The following RABEP1 variants were observed in gnomAD, a reference collection of about 807,000 sequenced individuals.
RABEP1 encodes rabaptin, RAB GTPase binding effector protein 1, also known as rab GTPase-binding effector protein 1.
RABEP1 carries 51 observed loss-of-function variants against 123.4 expected under a neutral mutation model. That is an observed-to-expected ratio of 0.41 (90% CI 0.33 to 0.52). The LOEUF is 0.52. RABEP1 is among the 20% of genes least tolerant of loss of function. The pLI is 0.16. For missense variants in RABEP1, 888 were observed against 996.3 expected, an observed-to-expected ratio of 0.89 and a Z score of 1.46; for synonymous variants, 347 against 355.2, an observed-to-expected ratio of 0.98 and a Z score of 0.26.
At chr17:5,306,043 G>T (rs1189751010) in intron 1 of RABEP1, among the ~76,000 whole-genome samples, 6 of 152,152 alleles carry the variant, frequency 3.9e-5, no homozygotes, top group African/African-American at 1.4e-4. Context: ...TCATGGGAAT[G>T]AACACATAGC....
chr17:5,374,947 T>C (rs1910866325), intron 13 of RABEP1, among the ~76,000 whole-genome samples: 1 of 152,104 alleles, frequency 6.6e-6, no homozygotes, highest in African/African-American at 2.4e-5. Flanking sequence ...TGGCCTTTTT[T>C]TGTATTTTTA....
At chr17:5,318,423 A>G (rs1280742932) in intron 2 of RABEP1, among the ~76,000 whole-genome samples, 3 of 152,206 alleles carry the variant, frequency 2.0e-5, no homozygotes, top group African/African-American at 7.2e-5. Flanking sequence ...AAGCCAATGT[A>G]AGTAAAAAAA....
intron 13 of RABEP1, among the ~76,000 whole-genome samples, chr17:5,376,593 A>G (rs1416726352): frequency 6.6e-6 from 1 of 152,236 alleles, no homozygotes; most frequent in Non-Finnish European, 1.5e-5. Flanking sequence ...TTACCACCTT[A>G]GAAAGCCACC....
intron 2 of RABEP1, among the ~76,000 whole-genome samples, chr17:5,324,653 T>C (rs1905791376): frequency 6.6e-6 from 1 of 152,186 alleles, no homozygotes; most frequent in African/African-American, 2.4e-5. Flanking sequence ...GAGAAAATAT[T>C]TGCAAACTAC....
intron 2 of RABEP1, among the ~76,000 whole-genome samples, chr17:5,323,792 A>AGGAATATATATATATATT (rs1567522148): frequency 2.8e-5 from 3 of 108,700 alleles, no homozygotes; most frequent in African/African-American, 1.1e-4. Flanking sequence ...ATATATATAT[A>AGGAATATATATATATATT]TCTAGGAATA....
At position 5,346,776 on chromosome 17, in the gene RABEP1, G is replaced by A; in HGVS notation, c.649-14G>A. The A allele has an allele frequency of 6.6e-7, 1 of 1,506,832 alleles. No individual in the cohort carries two copies. The highest frequency in any genetic ancestry group is 8.9e-7 in the Non-Finnish European group (1 of 1,120,466). The allele number at this position is 1,506,832 out of a possible 1,614,324, so 93.3% of individuals were successfully genotyped here. A position where few individuals can be genotyped will look rare whatever the true frequency, so the allele number is the denominator to read the frequency against. On this transcript the variant is annotated splice_polypyrimidine_tract_variant and intron_variant, in intron 5 of 17. Transcript: ENST00000537505. ...TTGTAAATTTCAGTTTAATGGAATT[G>A]CATCTTCTTTCAGGTTAAAGAACTG... is the stretch of plus-strand genomic sequence containing the variant.
intron 2 of RABEP1, among the ~76,000 whole-genome samples, chr17:5,323,670 C>A: frequency 7.7e-6 from 1 of 129,690 alleles, no homozygotes; most frequent in African/African-American, 3.2e-5. Context: ...CAATTTCTTT[C>A]ATTGGTGATA....
intron 2 of RABEP1, among the ~76,000 whole-genome samples, chr17:5,319,313 A>T (rs1301488585): frequency 7.2e-6 from 1 of 138,344 alleles, no homozygotes; most frequent in African/African-American, 2.6e-5. Flanking sequence ...TGGTGACAGA[A>T]TGAGACTCTG....
At chr17:5,287,317 C>G (rs2074988087) in intron 1 of RABEP1, among the ~76,000 whole-genome samples, 1 of 151,938 alleles carries the variant, frequency 6.6e-6, no homozygotes. Flanking sequence ...TTGTGCCTGA[C>G]AAACAGTATA....
At chr17:5,282,542 G>A in intron 1 of RABEP1, 22 bp downstream of exon 1, 1 of 1,178,688 alleles carries the variant, frequency 8.5e-7, no homozygotes, top group Non-Finnish European at 1.1e-6. Context: ...ACCATGGCAG[G>A]CGCGGCGGGC....
chr17:5,364,128 AT>A (rs1194378769), intron 10 of RABEP1, among the ~76,000 whole-genome samples: 6 of 152,202 alleles, frequency 3.9e-5, no homozygotes, highest in Non-Finnish European at 7.3e-5. Flanking sequence ...AAATTTCTAA[AT>A]GTATTTGCAA....
At chr17:5,377,328 T>C in intron 14 of RABEP1, 23 bp downstream of exon 14, 1 of 1,550,408 alleles carries the variant, frequency 6.4e-7, no homozygotes, top group Non-Finnish European at 8.7e-7. Context: ...GTGATGTAGT[T>C]TAGAATTAGA....
intron 4 of RABEP1, among the ~76,000 whole-genome samples, chr17:5,337,624 T>C (rs1340828148): frequency 6.6e-6 from 1 of 151,588 alleles, no homozygotes; most frequent in Admixed American, 6.6e-5. Context: ...ACCTGGGAGG[T>C]GGAGCTTGCA....
In RABEP1 at chr17:5,374,974, G is replaced by A. The variant is rs541501525; in HGVS notation, c.2025+1520G>A. Reference sequence around the variant, plus strand: ...GTATTTTTAGTAGAGATGCGGTTTCGCCATGTTGGCCAGGCTGGTCTCGAA... The same window carrying A: ...GTATTTTTAGTAGAGATGCGGTTTCACCATGTTGGCCAGGCTGGTCTCGAA... On this transcript the variant is annotated intron_variant, in intron 13 of 17. Transcript: ENST00000537505. Among the ~76,000 whole-genome samples, 18 of 151,754 alleles carry A rather than the reference G, an allele frequency of 1.2e-4. No individual in the cohort carries two copies. In the South Asian group the frequency reaches 3.3e-3, roughly 28 times the overall value.
At chr17:5,288,920 G>A (rs2075005199) in intron 1 of RABEP1, among the ~76,000 whole-genome samples, 1 of 151,780 alleles carries the variant, frequency 6.6e-6, no homozygotes, top group Non-Finnish European at 1.5e-5. Context: ...TGGCCGGGCT[G>A]GTCTTGATCT....
At chr17:5,335,469 C>G in intron 4 of RABEP1, 125 bp downstream of exon 4, 1 of 804,874 alleles carries the variant, frequency 1.2e-6, no homozygotes. Context: ...TATTTGGACA[C>G]AGACCTAAAC....
intron 2 of RABEP1, among the ~76,000 whole-genome samples, chr17:5,315,925 CAAAAG>C (rs937417517): frequency 1.3e-5 from 2 of 151,998 alleles, no homozygotes; most frequent in Non-Finnish European, 2.9e-5. Context: ...CATCAAGAAT[CAAAAG>C]AAAATGTGAA....
At chr17:5,378,925 C>T (rs369070492) in intron 15 of RABEP1, among the ~76,000 whole-genome samples, 1 of 152,180 alleles carries the variant, frequency 6.6e-6, no homozygotes, top group African/African-American at 2.4e-5. Context: ...CACACCTGTC[C>T]CTATGGTCTT....
chr17:5,319,709 CAG>C (rs2075334973), intron 2 of RABEP1, among the ~76,000 whole-genome samples: 2 of 152,000 alleles, frequency 1.3e-5, no homozygotes, highest in African/African-American at 4.8e-5. Flanking sequence ...AAAAATTAAA[CAG>C]AAGTCTTAGA....
Sources: gnomAD v4.1 joint callset for allele counts (sites outside exome capture counted in the v4.1 genomes callset) on GRCh38, gnomAD v4.1.1 for gene constraint, MANE v1.5 for transcripts, NCBI Gene and HGNC (gene_info 2026-07-23, HGNC 2026-07-21) for gene names.